HCN1: variants seen among roughly 807,000 people sequenced by gnomAD.
HCN1 encodes hyperpolarization activated cyclic nucleotide gated potassium channel 1, also known as potassium/sodium hyperpolarization-activated cyclic nucleotide-gated channel 1.
In HCN1, 13 loss-of-function variants were observed where a neutral mutation model predicts 78.9. The ratio of observed to expected loss-of-function variants is 0.16; its 90% CI spans 0.11 to 0.26. The LOEUF (loss-of-function observed/expected upper bound fraction) is 0.26. Ranked by LOEUF, HCN1 falls within the 10% of genes least tolerant of loss-of-function variation. HCN1 has a pLI of 1.00. For missense variants in HCN1, 810 were observed against 1,154.3 expected, an observed-to-expected ratio of 0.70 and a Z score of 4.32; for synonymous variants, 552 against 455.5, an observed-to-expected ratio of 1.21 and a Z score of -2.70.
intron 1 of HCN1, among the ~76,000 whole-genome samples, chr5:45,658,301 G>A (rs1028789155): frequency 2.0e-5 from 3 of 152,170 alleles, no homozygotes; most frequent in Non-Finnish European, 4.4e-5. Flanking sequence ...GAAAACCTAG[G>A]CATTACCATT....
At chr5:45,603,902 T>C (rs1299526784) in intron 2 of HCN1, among the ~76,000 whole-genome samples, 2 of 152,084 alleles carry the variant, frequency 1.3e-5, no homozygotes, top group Non-Finnish European at 2.9e-5. Flanking sequence ...TATGACAAAA[T>C]ACGGTGTTTA....
chr5:45,372,239 ATTT>A (rs1561128195), intron 4 of HCN1, among the ~76,000 whole-genome samples: 6 of 73,626 alleles, frequency 8.1e-5, no homozygotes, highest in Non-Finnish European at 1.1e-4. Context: ...TATATATTAT[ATTT>A]TATATATAAT....
intron 3 of HCN1, among the ~76,000 whole-genome samples, chr5:45,402,198 G>C (rs1240306652): frequency 6.6e-6 from 1 of 152,150 alleles, no homozygotes; most frequent in Non-Finnish European, 1.5e-5. Flanking sequence ...GATGACCAGA[G>C]TCTGAGTCCT....
At chr5:45,348,017 C>G (rs1579829260) in intron 5 of HCN1, among the ~76,000 whole-genome samples, 1 of 152,070 alleles carries the variant, frequency 6.6e-6, no homozygotes, top group Non-Finnish European at 1.5e-5. Context: ...ACAGAGAACG[C>G]CACAAAGATA....
intron 2 of HCN1, among the ~76,000 whole-genome samples, chr5:45,553,213 C>T (rs1743405191): frequency 6.6e-6 from 1 of 151,858 alleles, no homozygotes; most frequent in African/African-American, 2.4e-5. Context: ...GGACGTCCAT[C>T]CAGACAGATG....
At chr5:45,656,781 A>G (rs1745770357) in intron 1 of HCN1, among the ~76,000 whole-genome samples, 1 of 152,166 alleles carries the variant, frequency 6.6e-6, no homozygotes, top group Non-Finnish European at 1.5e-5. Context: ...AAATTTCATA[A>G]TATCTTTTTC....
chr5:45,413,951 G>A (rs546948169), intron 3 of HCN1, among the ~76,000 whole-genome samples: 1 of 152,034 alleles, frequency 6.6e-6, no homozygotes, highest in African/African-American at 2.4e-5. Context: ...CAATCTTAAA[G>A]CAGGATTCAC....
At chr5:45,492,420 TATAA>T (rs1389462577) in intron 2 of HCN1, among the ~76,000 whole-genome samples, 2 of 142,968 alleles carry the variant, frequency 1.4e-5, no homozygotes, top group Admixed American at 7.0e-5. Flanking sequence ...TATATATATA[TATAA>T]AATTTGAAGT....
rs1740012832 is a variant in HCN1, at chr5:45,696,295, C to T, written c.-202G>A. The T allele has an allele frequency of 6.2e-6, 1 of 161,810 alleles. No homozygotes were observed. The highest frequency in any genetic ancestry group is 2.4e-5 in the African/African-American group (1 of 41,596). The allele number at this position is 161,810 out of a possible 1,614,324, so 10.0% of individuals were successfully genotyped here. The stretch of plus-strand genomic sequence containing the variant: ...GCGCGCCTGGCTCCCGCCGCCGCCG[C>T]TGCCCTTAGTGGCTGCGGTCCGGGC... On this transcript the variant is annotated 5_prime_UTR_variant, in exon 1 of 8. Transcript: ENST00000303230.
At chr5:45,515,081 T>C (rs981650355) in intron 2 of HCN1, among the ~76,000 whole-genome samples, 2 of 151,960 alleles carry the variant, frequency 1.3e-5, no homozygotes, top group Non-Finnish European at 2.9e-5. Context: ...ACAAAACTTT[T>C]TCATGATATA....
At chr5:45,302,445 A>ACT (rs1745645844) in intron 6 of HCN1, among the ~76,000 whole-genome samples, 1 of 152,054 alleles carries the variant, frequency 6.6e-6, no homozygotes. Context: ...TATTTACAGT[A>ACT]GTGTGAAAAT....
intron 2 of HCN1, among the ~76,000 whole-genome samples, chr5:45,597,573 A>G (rs1469423264): frequency 1.3e-5 from 2 of 152,188 alleles, no homozygotes; most frequent in Admixed American, 1.3e-4. Flanking sequence ...GGCCAGGGCA[A>G]TCAGGCAAGA....
chr5:45,352,653 G>A (rs111841382), intron 5 of HCN1, among the ~76,000 whole-genome samples: 8 of 152,050 alleles, frequency 5.3e-5, no homozygotes, highest in Non-Finnish European at 1.2e-4. Flanking sequence ...GCAAAGCAAA[G>A]AGGTGGTTAT....
At chr5:45,355,618 A>AG (rs1423991050) in intron 4 of HCN1, among the ~76,000 whole-genome samples, 1 of 151,994 alleles carries the variant, frequency 6.6e-6, no homozygotes, top group Non-Finnish European at 1.5e-5. Context: ...GCCTCTATGT[A>AG]GGTCAGGCAC....
At position 45,641,193 on chromosome 5, in the gene HCN1, T is replaced by C. The variant is rs78372275; in HGVS notation, c.849+3992A>G. On this transcript the variant is annotated intron_variant, in intron 2 of 7. Transcript: ENST00000303230. ...AATATAAAAGTAATTAGAATATGTA[T>C]TGTATAATTATAGATAGGCAATTTA... 5.9e-5 allele frequency among the ~76,000 whole-genome samples: 9 copies of C among 152,308 alleles called. No homozygotes were observed. In the East Asian group the frequency reaches 1.7e-3, roughly 29 times the overall value.
At chr5:45,543,318 T>TA (rs753975541) in intron 2 of HCN1, among the ~76,000 whole-genome samples, 9 of 151,706 alleles carry the variant, frequency 5.9e-5, no homozygotes, top group South Asian at 2.1e-4. Context: ...ATAAAAAAAA[T>TA]AAAAAAATAA....
intron 3 of HCN1, among the ~76,000 whole-genome samples, chr5:45,453,932 C>A (rs1226974812): frequency 6.6e-6 from 1 of 152,006 alleles, no homozygotes; most frequent in East Asian, 1.9e-4. Context: ...TCAGGTGCCA[C>A]TTGTTAGATA....
intron 3 of HCN1, among the ~76,000 whole-genome samples, chr5:45,431,629 T>A (rs530251168): frequency 2.0e-5 from 3 of 152,202 alleles, no homozygotes; most frequent in Admixed American, 6.5e-5. Context: ...AGGGAACGGA[T>A]CCAGTTTCAA....
At position 45,549,732 on chromosome 5, in the gene HCN1, T is replaced by A. The variant is rs1324006084; in HGVS notation, c.850-87725A>T. 8.5e-5 allele frequency among the ~76,000 whole-genome samples: 13 copies of A among 152,100 alleles called. No individual in the cohort carries two copies. The East Asian group carries it at 2.3e-3, about 27-fold the overall frequency. Reference sequence around the variant, plus strand: ...GGCAACCTACAGAATGGGAGAAAATTTTTGCAATCTACTCATCTGACAAAG... The same window carrying A: ...GGCAACCTACAGAATGGGAGAAAATATTTGCAATCTACTCATCTGACAAAG... On this transcript the variant is annotated intron_variant, in intron 2 of 7. Coordinates refer to ENST00000303230, the MANE Select transcript of HCN1 (RefSeq NM_021072.4).
Sources: gnomAD v4.1 joint callset for allele counts (sites outside exome capture counted in the v4.1 genomes callset) on GRCh38, gnomAD v4.1.1 for gene constraint, MANE v1.5 for transcripts, NCBI Gene and HGNC (gene_info 2026-07-23, HGNC 2026-07-21) for gene names.